Variants in PCSK6 observed in about 807,000 individuals in gnomAD.
The protein encoded by PCSK6 is proprotein convertase subtilisin/kexin type 6, also known as paired basic amino acid cleaving enzyme 4.
A neutral mutation model predicts 123.3 loss-of-function variants in PCSK6; 85 were observed. The observed-to-expected ratio is 0.69, with a 90% CI of 0.58 to 0.83. The LOEUF is 0.83. PCSK6 is among the 40% of genes least tolerant of loss of function. PCSK6 has a pLI of 0.00. For synonymous variants in PCSK6, 508 were observed against 516.0 expected (o/e 0.98, Z 0.21); for missense variants, 1,191 against 1,282.3 (o/e 0.93, Z 1.09).
At chr15:101,441,997 A>G (rs2141148351) in intron 2 of PCSK6, among the ~76,000 whole-genome samples, 1 of 152,330 alleles carries the variant, frequency 6.6e-6, no homozygotes, top group Middle Eastern at 3.4e-3. Context: ...CACCCTGTAC[A>G]GAGGCTCCCT....
chr15:101,481,597 C>A (rs1023326052), intron 1 of PCSK6, among the ~76,000 whole-genome samples: 6 of 151,232 alleles, frequency 4.0e-5, no homozygotes, highest in Non-Finnish European at 5.9e-5. Flanking sequence ...CTGTGCTGGG[C>A]GGTGGCAGGG....
chr15:101,469,419 A>G (rs987674558), intron 1 of PCSK6, among the ~76,000 whole-genome samples: 2 of 152,140 alleles, frequency 1.3e-5, no homozygotes, highest in African/African-American at 4.8e-5. Flanking sequence ...ATTCCTTCAT[A>G]AGCTTCTACG....
chr15:101,397,557 T>C (rs903566), intron 7 of PCSK6, among the ~76,000 whole-genome samples: 145,798 of 152,108 alleles, frequency 0.96, 69,881 homozygotes, highest in East Asian at 1. Flanking sequence ...GGAACTCCCC[T>C]GGTCCCCACT....
intron 1 of PCSK6, among the ~76,000 whole-genome samples, chr15:101,474,997 A>AC: frequency 6.6e-6 from 1 of 151,586 alleles, no homozygotes; most frequent in East Asian, 1.9e-4. Flanking sequence ...GCCCAAACAC[A>AC]CCCCCACTTC....
At chr15:101,429,500 C>T (rs1038106195) in intron 5 of PCSK6, among the ~76,000 whole-genome samples, 27 of 152,218 alleles carry the variant, frequency 1.8e-4, no homozygotes, top group African/African-American at 4.3e-4. Flanking sequence ...CCAGCTCACC[C>T]GGCATGCACG....
In PCSK6 at chr15:101,477,642, C is replaced by A. The variant is rs190004139; in HGVS notation, c.297+11732G>T. Among the ~76,000 whole-genome samples, 53 of 152,244 alleles carry A rather than the reference C, an allele frequency of 3.5e-4. No homozygotes were observed. The East Asian group carries it at 9.5e-3, about 27-fold the overall frequency. The stretch of plus-strand genomic sequence containing the variant: ...TCTGTATTGCAAAAATATTCTGTAT[C>A]CACATATCCTTTCTGTATTATACTG... On this transcript the variant is annotated intron_variant, in intron 1 of 21. Transcript: ENST00000611716.
chr15:101,428,846 C>T (rs2056348214), intron 5 of PCSK6, among the ~76,000 whole-genome samples: 1 of 152,308 alleles, frequency 6.6e-6, no homozygotes, highest in South Asian at 2.1e-4. Context: ...TCACAGAGCT[C>T]AATGGATGGC....
At chr15:101,446,358 G>A (rs749242827) in intron 1 of PCSK6, among the ~76,000 whole-genome samples, 49 of 152,334 alleles carry the variant, frequency 3.2e-4, no homozygotes, top group Non-Finnish European at 4.9e-4. Context: ...CTAATCTTCC[G>A]TTATCTGCAC....
Position 101,305,303 on chromosome 15 carries a change from C to G in PCSK6, c.2865G>C (p.Lys955Asn), listed in dbSNP as rs760398363. 6.2e-7 allele frequency: 1 copy of G among 1,612,692 alleles called. No homozygotes were observed. Among genetic ancestry groups the G allele is most frequent in the African/African-American group, 1.3e-5 (1 of 74,932 alleles). ...MVKSNRLCERKLFIQFCCRTC... is the reference protein window; with the variant it reads ...MVKSNRLCERNLFIQFCCRTC... ...TGCGGCAGCAGAACTGAATGAAGAG[C>G]TTCCGTTCGCACAGCCGGTTGGACT... Residue 955 changes from lysine (K) to asparagine (N), a missense_variant, in exon 22 of 22, where the codon AAG (lysine) becomes AAC (asparagine). Lys to Asn is a moderately conservative substitution (Grantham distance 94). Coordinates refer to ENST00000611716, the MANE Select transcript of PCSK6 (RefSeq NM_002570.5). This position sits in a 1 kb window ranked among gnomAD's most constrained non-coding sequence, Gnocchi z 4.8.
chr15:101,332,780 C>A (rs2040397929), intron 13 of PCSK6, among the ~76,000 whole-genome samples: 2 of 152,102 alleles, frequency 1.3e-5, no homozygotes, highest in African/African-American at 4.8e-5. Context: ...AGCTGGGGTC[C>A]CGCCCCACCG....
At chr15:101,419,936 C>A (rs193228372) in intron 6 of PCSK6, among the ~76,000 whole-genome samples, 1 of 152,098 alleles carries the variant, frequency 6.6e-6, no homozygotes, top group Non-Finnish European at 1.5e-5. Context: ...CCTGTAATCC[C>A]AGTACTTTGG....
chr15:101,408,217 G>A (rs959552602), intron 6 of PCSK6, among the ~76,000 whole-genome samples: 1 of 152,226 alleles, frequency 6.6e-6, no homozygotes, highest in Non-Finnish European at 1.5e-5. Flanking sequence ...TATCCTGAAC[G>A]GACCTCTGAA....
chr15:101,488,804 AC>A (rs1340746855), intron 1 of PCSK6, among the ~76,000 whole-genome samples: 1 of 148,818 alleles, frequency 6.7e-6, no homozygotes, highest in Non-Finnish European at 1.5e-5. Context: ...CCGGCCATCT[AC>A]CCCCGGGAGC....
At chr15:101,411,993 C>T (rs1420903840) in intron 6 of PCSK6, among the ~76,000 whole-genome samples, 1 of 152,190 alleles carries the variant, frequency 6.6e-6, no homozygotes, top group African/African-American at 2.4e-5. Context: ...AGGCTCACTG[C>T]TGCTCACAGT....
chr15:101,461,178 G>A (rs2057332524), intron 1 of PCSK6, among the ~76,000 whole-genome samples: 1 of 152,108 alleles, frequency 6.6e-6, no homozygotes, highest in Non-Finnish European at 1.5e-5. Flanking sequence ...AGTGGAAAAA[G>A]GATGTAACCG....
chr15:101,423,675 A>G (rs2056158435), intron 6 of PCSK6, among the ~76,000 whole-genome samples: 1 of 152,230 alleles, frequency 6.6e-6, no homozygotes, highest in Non-Finnish European at 1.5e-5. Context: ...AAAAAAATGA[A>G]CAGTGCCTCA....
chr15:101,479,706 G>T (rs1292955182), intron 1 of PCSK6, among the ~76,000 whole-genome samples: 1 of 152,198 alleles, frequency 6.6e-6, no homozygotes, highest in African/African-American at 2.4e-5. Context: ...CCTTCTACTA[G>T]ACAGGGAACA....
At chr15:101,354,174 C>T (rs922826965) in intron 13 of PCSK6, among the ~76,000 whole-genome samples, 1 of 152,192 alleles carries the variant, frequency 6.6e-6, no homozygotes, top group Admixed American at 6.5e-5. Flanking sequence ...CACACATACA[C>T]ACACCCACAT....
At chr15:101,355,030 C>T (rs1051092370) in intron 13 of PCSK6, among the ~76,000 whole-genome samples, 2 of 152,228 alleles carry the variant, frequency 1.3e-5, no homozygotes, top group East Asian at 3.8e-4. Context: ...ATTCCTCTCT[C>T]GTTCTTTTGA....
Sources: gnomAD v4.1 joint callset for allele counts (sites outside exome capture counted in the v4.1 genomes callset) on GRCh38, gnomAD v4.1.1 for gene constraint, Gnocchi (gnomAD v3.1) non-coding constraint, MANE v1.5 for transcripts, NCBI Gene and HGNC (gene_info 2026-07-23, HGNC 2026-07-21) for gene names.